The following HDDC2 variants were observed in gnomAD, a reference collection of about 807,000 sequenced individuals.
HDDC2 encodes 5'-deoxynucleotidase HDDC2.
A neutral mutation model predicts 25.5 loss-of-function variants in HDDC2; 25 were observed. That is an observed-to-expected ratio of 0.98 (90% CI 0.72 to 1.37). The LOEUF is 1.37. Ranked by LOEUF, HDDC2 falls within the 40% of genes most tolerant of loss-of-function variation. The pLI is 0.00. For missense variants in HDDC2, 264 were observed against 253.1 expected, an observed-to-expected ratio of 1.04 and a Z score of -0.29; for synonymous variants, 106 against 89.7, an observed-to-expected ratio of 1.18 and a Z score of -1.03.
At chr6:125,282,254 G>T (rs978212848) in intron 4 of HDDC2, among the ~76,000 whole-genome samples, 1 of 151,580 alleles carries the variant, frequency 6.6e-6, no homozygotes, top group African/African-American at 2.4e-5. Flanking sequence ...GTTGAGGCAG[G>T]AGAATTGCTG....
At chr6:125,284,415 C>G (rs1230893108) in intron 4 of HDDC2, among the ~76,000 whole-genome samples, 1 of 152,188 alleles carries the variant, frequency 6.6e-6, no homozygotes, top group African/African-American at 2.4e-5. Flanking sequence ...ATCTATCCAT[C>G]TGACAAAGGG....
In HDDC2 at chr6:125,283,012, T is replaced by C. The variant is rs773011040; in HGVS notation, c.379-5772A>G. Among the ~76,000 whole-genome samples, 13 of 152,236 alleles carry C rather than the reference T, an allele frequency of 8.5e-5. 1 individual carries two copies. ...TTTGGGATGCAAGGCTGGTTTAACA[T>C]ATGCAAATCAATAAACATAATCCAT... On this transcript the variant is annotated intron_variant, in intron 4 of 5. Transcript: ENST00000398153.
chr6:125,299,987 G>C (rs151315952), intron 2 of HDDC2, among the ~76,000 whole-genome samples: 2 of 152,064 alleles, frequency 1.3e-5, no homozygotes, highest in Non-Finnish European at 2.9e-5. Flanking sequence ...TAACATTTTC[G>C]ACCATAACTT....
At chr6:125,299,815 A>G (rs912407601) in intron 2 of HDDC2, among the ~76,000 whole-genome samples, 2 of 152,008 alleles carry the variant, frequency 1.3e-5, no homozygotes, top group Non-Finnish European at 2.9e-5. Context: ...ATACTCCTTT[A>G]CTTTCCTACA....
intron 4 of HDDC2, among the ~76,000 whole-genome samples, chr6:125,290,035 T>C (rs775750989): frequency 6.6e-6 from 1 of 152,214 alleles, no homozygotes; most frequent in African/African-American, 2.4e-5. Flanking sequence ...TGGCTGCAAA[T>C]AGATGTGATC....
intron 1 of HDDC2, among the ~76,000 whole-genome samples, chr6:125,300,985 C>T (rs868683337): frequency 6.6e-6 from 1 of 152,062 alleles, no homozygotes; most frequent in South Asian, 2.1e-4. Flanking sequence ...ACAAGAGTTG[C>T]GGCTTTTTGC....
intron 3 of HDDC2, among the ~76,000 whole-genome samples, chr6:125,294,882 T>G (rs1798685426): frequency 6.6e-6 from 1 of 152,248 alleles, no homozygotes; most frequent in South Asian, 2.1e-4. Context: ...AGGCTTCTTT[T>G]TGTTCAAAAT....
At chr6:125,280,956 T>A (rs367928313) in intron 4 of HDDC2, among the ~76,000 whole-genome samples, 1 of 152,190 alleles carries the variant, frequency 6.6e-6, no homozygotes, top group Non-Finnish European at 1.5e-5. Flanking sequence ...ACAGGAGAGC[T>A]CTGGCTAGCA....
intron 4 of HDDC2, among the ~76,000 whole-genome samples, chr6:125,282,345 C>G (rs1254044786): frequency 6.9e-6 from 1 of 145,532 alleles, no homozygotes; most frequent in African/African-American, 2.6e-5. Flanking sequence ...CAGACTCCAT[C>G]TCAAAAAAAA....
chr6:125,300,759 G>A, intron 1 of HDDC2, 100 bp from the exon 2 acceptor site: 1 of 1,212,414 alleles, frequency 8.2e-7, no homozygotes, highest in East Asian at 2.4e-5. Context: ...CAGAAGCCGG[G>A]TCATAATTTC....
At chr6:125,299,618 C>T (rs892842491) in intron 2 of HDDC2, among the ~76,000 whole-genome samples, 1 of 152,164 alleles carries the variant, frequency 6.6e-6, no homozygotes, top group Non-Finnish European at 1.5e-5. Context: ...TGCCTCTAGT[C>T]TCTTTCTGGT....
intron 4 of HDDC2, among the ~76,000 whole-genome samples, chr6:125,285,970 C>T (rs574130487): frequency 3.3e-5 from 5 of 152,118 alleles, no homozygotes; most frequent in Admixed American, 2.0e-4. Context: ...ATAAGGATCC[C>T]GGGACCTTAA....
intron 4 of HDDC2, chr6:125,277,976 C>G (rs1038587592): frequency 9.2e-5 from 14 of 152,116 alleles, no homozygotes; most frequent in African/African-American, 2.9e-4. Flanking sequence ...TGCATGCCAC[C>G]CAACCACAAG....
intron 4 of HDDC2, 52 bp from the exon 5 acceptor site, chr6:125,277,292 T>C: frequency 6.3e-7 from 1 of 1,577,012 alleles, no homozygotes; most frequent in East Asian, 2.2e-5. Flanking sequence ...TAATAGGGTA[T>C]CCTGGGAAAA....
At position 125,298,787 on chromosome 6, in the gene HDDC2, A is replaced by G. The variant is rs757861814; in HGVS notation, c.236T>C (p.Met79Thr). The part of the protein sequence containing the change: ...RCVRLALVHD[M>T]AECIVGDIAP... Reference sequence around the variant, plus strand: ...TATGTCCCCAACGATGCATTCTGCCATATCATGAACCAGGGCTAGGCGTAC... The same window carrying G: ...TATGTCCCCAACGATGCATTCTGCCGTATCATGAACCAGGGCTAGGCGTAC... Residue 79 changes from methionine to threonine, a missense_variant, in exon 3 of 6, where the codon ATG (methionine) becomes ACG (threonine). Met to Thr is a moderately conservative substitution (Grantham distance 81). Coordinates refer to ENST00000398153, the MANE Select transcript of HDDC2 (RefSeq NM_016063.3). 14 of 1,614,146 alleles carry G rather than the reference A, an allele frequency of 8.7e-6. No individual in the cohort carries two copies. The highest frequency in any genetic ancestry group is 1.2e-5 in the Non-Finnish European group (14 of 1,180,000).
intron 1 of HDDC2, 54 bp downstream of exon 1, chr6:125,301,795 C>A: frequency 7.4e-7 from 1 of 1,343,134 alleles, no homozygotes; most frequent in South Asian, 1.3e-5. Context: ...GAAGCTCCGC[C>A]GCCCCACAGT....
rs566516801 is a variant in HDDC2, at chr6:125,284,060, A to C, written c.379-6820T>G. ...TTTGACAAACCTGACAAAAAACAAGAAATGGGGAAAGGATTCCCTATTTAA... is the reference window on the plus strand; with the variant it reads ...TTTGACAAACCTGACAAAAAACAAGCAATGGGGAAAGGATTCCCTATTTAA... On this transcript the variant is annotated intron_variant, in intron 4 of 5. Coordinates refer to ENST00000398153, the MANE Select transcript of HDDC2 (RefSeq NM_016063.3). Among the ~76,000 whole-genome samples, 70 of 152,326 alleles carry C rather than the reference A, an allele frequency of 4.6e-4. No homozygotes were observed. The South Asian group carries it at 0.014, about 31-fold the overall frequency.
At chr6:125,278,129 G>T (rs1798400040) in intron 4 of HDDC2, 1 of 152,158 alleles carries the variant, frequency 6.6e-6, no homozygotes, top group Admixed American at 6.5e-5. Flanking sequence ...AGGGTGATGT[G>T]ATATGAATCA....
intron 4 of HDDC2, among the ~76,000 whole-genome samples, chr6:125,292,444 C>A (rs1798645857): frequency 6.6e-6 from 1 of 152,130 alleles, no homozygotes; most frequent in Non-Finnish European, 1.5e-5. Context: ...CCTCCAGGGT[C>A]TTACAGATGA....
Sources: gnomAD v4.1 joint callset for allele counts (sites outside exome capture counted in the v4.1 genomes callset) on GRCh38, gnomAD v4.1.1 for gene constraint, MANE v1.5 for transcripts, NCBI Gene and HGNC (gene_info 2026-07-23, HGNC 2026-07-21) for gene names.